The following HSF4 variants were observed in gnomAD, a reference collection of about 807,000 sequenced individuals.
The protein encoded by HSF4 is heat shock factor protein 4.
Under a neutral mutation model 52.0 loss-of-function variants are expected in HSF4, and 41 were observed. The observed-to-expected ratio is 0.79, with a 90% confidence interval of 0.61 to 1.02. HSF4 has a LOEUF of 1.02. HSF4 is among the 50% of genes least tolerant of loss of function. The probability of loss-of-function intolerance (pLI) is 0.00; values close to 1 mark genes in which losing one functional copy is unlikely to be tolerated. For missense variants in HSF4, 610 were observed against 651.1 expected (o/e 0.94, Z 0.69); for synonymous variants, 285 against 273.0 (o/e 1.04, Z -0.43).
At position 67,165,703 on chromosome 16, in the gene HSF4, A is replaced by C. The variant is rs766182306; in HGVS notation, c.233-16A>C. ...CGGGGATGGGGCGACCCACGCCCCC[A>C]CGCCCCACTCCCCAGACGGTTTTCG... On this transcript the variant is annotated splice_polypyrimidine_tract_variant and intron_variant, in intron 2 of 12. Coordinates refer to ENST00000521374, the MANE Select transcript of HSF4 (RefSeq NM_001374675.1). The surrounding 1 kb of genome is among the most constrained non-coding windows in gnomAD (Gnocchi z 6.9). 6.2e-7 allele frequency: 1 copy of C among 1,611,842 alleles called. No individual in the cohort carries two copies. Among genetic ancestry groups the C allele is most frequent in the African/African-American group, 1.3e-5 (1 of 74,956 alleles).
chr16:67,165,981 C>G lies in HSF4; in HGVS notation c.396C>G (p.Arg132=), dbSNP rs1437874241. 6.4e-7 allele frequency: 1 copy of G among 1,553,130 alleles called. No individual in the cohort carries two copies. Among genetic ancestry groups the G allele is most frequent in the Non-Finnish European group, 8.6e-7 (1 of 1,157,888 alleles). ...PALRGDDGRW[R]PEDLGRLLGE... ...TGCGCGGCGACGACGGCCGCTGGCG[C>G]CCGGAGGACCTGGGTCGACTACTGG... The change falls in exon 4 of 13, where the codon CGC becomes CGG. Residue 132 remains arginine (R), a synonymous_variant. Coordinates refer to ENST00000521374, the MANE Select transcript of HSF4 (RefSeq NM_001374675.1). The surrounding 1 kb of genome is among the most constrained non-coding windows in gnomAD (Gnocchi z 6.9).
chr16:67,164,668 C>T (rs2031105482), upstream of HSF4: 8 of 985,188 alleles, frequency 8.1e-6, no homozygotes, highest in Non-Finnish European at 1.2e-5. Flanking sequence ...CGAGCCCCGC[C>T]CCGCGGGCTT....
chr16:67,169,078 G>T lies in HSF4; in HGVS notation c.1231G>T (p.Asp411Tyr). 1 of 1,613,528 alleles carries T rather than the reference G, an allele frequency of 6.2e-7. No individual in the cohort carries two copies. The highest frequency in any genetic ancestry group is 1.1e-5 in the South Asian group (1 of 91,060). Reference sequence around the variant, plus strand: ...CCAAGGGCGAGAATGGACCCTGATGGACTTGGACATGGAGCTGTCCTTGGT... The same window carrying T: ...CCAAGGGCGAGAATGGACCCTGATGTACTTGGACATGGAGCTGTCCTTGGT... Reference protein sequence around the residue: ...SLQGREWTLMDLDMELSLMQP... With the variant: ...SLQGREWTLMYLDMELSLMQP... Residue 411 changes from aspartate to tyrosine, a missense_variant, in exon 11 of 13, where the codon GAC becomes TAC. Asp to Tyr is a radical substitution (Grantham distance 160, BLOSUM62 -3). Coordinates refer to ENST00000521374, the MANE Select transcript of HSF4 (RefSeq NM_001374675.1). The surrounding 1 kb of genome is among the most constrained non-coding windows in gnomAD (Gnocchi z 4.3).
intron 4 of HSF4, 22 bp downstream of exon 4, chr16:67,166,092 G>A: frequency 1.4e-6 from 2 of 1,459,366 alleles, no homozygotes; most frequent in South Asian, 1.2e-5. Context: ...GGCGGGGAAA[G>A]AGGGGACAGG....
In HSF4 at chr16:67,165,811, G is replaced by C. The variant is rs1389459408; in HGVS notation, c.325G>C (p.Gly109Arg). Reference sequence around the variant, plus strand: ...GTTCCAGCACCCGAGCTTCGTGCGCGGCCGCGAGCAGCTACTGGAGCGCGT... The same window carrying C: ...GTTCCAGCACCCGAGCTTCGTGCGCCGCCGCGAGCAGCTACTGGAGCGCGT... ...VEFQHPSFVR[G>R]REQLLERVRR... Residue 109 changes from glycine (G) to arginine (R), a missense_variant, in exon 3 of 13, where the codon GGC becomes CGC. Transcript: ENST00000521374. This position sits in a 1 kb window ranked among gnomAD's most constrained non-coding sequence, Gnocchi z 6.9. The C allele has an allele frequency of 6.2e-7, 1 of 1,607,830 alleles. No homozygotes were observed. Among genetic ancestry groups the C allele is most frequent in the Admixed American group, 1.7e-5 (1 of 59,950 alleles).
Position 67,164,874 on chromosome 16 carries a change from C to A in HSF4, c.63C>A (p.Leu21=), listed in dbSNP as rs372135101. 8.0e-4 allele frequency: 1,292 copies of A among 1,607,702 alleles called. No homozygotes were observed. The highest frequency in any genetic ancestry group is 1.0e-3 in the Non-Finnish European group (1,219 of 1,179,028). Residue 21 remains leucine, a synonymous_variant, in exon 1 of 13, where the codon CTC becomes CTA. Transcript: ENST00000521374. ...EPGPSPVPAF[L]GKLWALVGDP... ...GCCCCAGCCCCGTGCCTGCCTTCCT[C>A]GGCAAGCTATGGGCGCTGGTGGGGG... is the stretch of plus-strand genomic sequence containing the variant.
chr16:67,166,041 C>T lies in HSF4; in HGVS notation c.456C>T (p.Ser152=). ...AGGCTTTGCGGGGAGTGCAGGAGAG[C>T]ACCGAGGCGCGGCTGCGGGAGCTCA... ...EVQALRGVQE[S]TEARLRELRQ... The change falls in exon 4 of 13, where the codon AGC becomes AGT. Residue 152 remains serine (S), a synonymous_variant. Coordinates refer to ENST00000521374, the MANE Select transcript of HSF4 (RefSeq NM_001374675.1). 6.5e-7 allele frequency: 1 copy of T among 1,533,256 alleles called. No homozygotes were observed. The highest frequency in any genetic ancestry group is 8.7e-7 in the Non-Finnish European group (1 of 1,146,710). The allele number at this position is 1,533,256 out of a possible 1,614,324, so 95.0% of individuals were successfully genotyped here.
rs530275414 is a variant in HSF4, at chr16:67,167,239, C to G, written c.729+17C>G. 4.6e-5 allele frequency: 74 copies of G among 1,614,072 alleles called. No homozygotes were observed. Among genetic ancestry groups the G allele is most frequent in the Middle Eastern group, 1.6e-4 (1 of 6,062 alleles). ...ATCCAGTCGGTAGGTTTGTCTTCTTCCCCCTTCCCAAGGGCATGGCTGGGC... is the reference window on the plus strand; with the variant it reads ...ATCCAGTCGGTAGGTTTGTCTTCTTGCCCCTTCCCAAGGGCATGGCTGGGC... On this transcript the variant is annotated intron_variant, in intron 7 of 12. Transcript: ENST00000521374.
In HSF4 at chr16:67,167,076, C is replaced by T. The variant is rs769285062; in HGVS notation, c.627-44C>T. 2.2e-5 allele frequency: 36 copies of T among 1,613,484 alleles called. No individual in the cohort carries two copies. The East Asian group carries it at 8.0e-4, about 36-fold the overall frequency. ...AAGTGCAGGCCGAGGTGCATGGGGG[C>T]TGACCCTGCCCCACCCCTGCCTGTG... On this transcript the variant is annotated intron_variant, in intron 6 of 12. Transcript: ENST00000521374.
At chr16:67,164,457 A>G (rs749913508), upstream of HSF4, 1 of 511,676 alleles carries the variant, frequency 2.0e-6, no homozygotes, top group East Asian at 5.3e-5. Flanking sequence ...CCCAGCCCAC[A>G]CCAGGTCGCG....
In HSF4 at chr16:67,165,743, T is replaced by C. The variant is rs758027535; in HGVS notation, c.257T>C (p.Ile86Thr). 4.0e-5 allele frequency: 64 copies of C among 1,611,544 alleles called. No individual in the cohort carries two copies. Among genetic ancestry groups the C allele is most frequent in the Non-Finnish European group, 4.8e-5 (57 of 1,179,778 alleles). ...GACGGTTTTCGGAAGGTGGTGAGCATCGAGCAGGGCGGCCTGCTTAGGCCG... is the reference window on the plus strand; with the variant it reads ...GACGGTTTTCGGAAGGTGGTGAGCACCGAGCAGGGCGGCCTGCTTAGGCCG... ...NMYGFRKVVSIEQGGLLRPER... is the reference protein window; with the variant it reads ...NMYGFRKVVSTEQGGLLRPER... Residue 86 changes from isoleucine to threonine, a missense_variant, in exon 3 of 13, where the codon ATC becomes ACC. Coordinates refer to ENST00000521374, the MANE Select transcript of HSF4 (RefSeq NM_001374675.1). This position sits in a 1 kb window ranked among gnomAD's most constrained non-coding sequence, Gnocchi z 6.9.
At position 67,166,511 on chromosome 16, in the gene HSF4, G is replaced by T. The variant is rs757499561; in HGVS notation, c.562-47G>T. The T allele has an allele frequency of 5.6e-6, 9 of 1,607,244 alleles. No individual in the cohort carries two copies. The South Asian group carries it at 7.7e-5, about 14-fold the overall frequency. On this transcript the variant is annotated intron_variant, in intron 5 of 12. Coordinates refer to ENST00000521374, the MANE Select transcript of HSF4 (RefSeq NM_001374675.1). Reference sequence around the variant, plus strand: ...TCCCTCACCTGGAAGTGCGGGGGTGGGGGGGCTGTGTCCAAAGTATGAATT... The same window carrying T: ...TCCCTCACCTGGAAGTGCGGGGGTGTGGGGGCTGTGTCCAAAGTATGAATT...
At position 67,168,089 on chromosome 16, in the gene HSF4, C is replaced by G; in HGVS notation, c.1082+142C>G. On this transcript the variant is annotated intron_variant, in intron 9 of 12. Transcript: ENST00000521374. ...AGAGTTCTGTGGAAAGCAGAGCCTC[C>G]CAGTCAGGGCACTCAGCATCTGCGG... is the stretch of plus-strand genomic sequence containing the variant. The G allele has an allele frequency of 1.1e-5, 8 of 744,482 alleles. No individual in the cohort carries two copies. The South Asian group carries it at 1.1e-4, about 10-fold the overall frequency. 46.1% of individuals were successfully genotyped at this position (744,482 alleles called of 1,614,324 possible).
In HSF4 at chr16:67,164,900, A is replaced by T. The variant is rs958546814; in HGVS notation, c.89A>T (p.Asp30Val). 10 of 1,607,668 alleles carry T rather than the reference A, an allele frequency of 6.2e-6. No homozygotes were observed. Among genetic ancestry groups the T allele is most frequent in the Non-Finnish European group, 8.5e-6 (10 of 1,179,072 alleles). Residue 30 changes from aspartate to valine, a missense_variant, in exon 1 of 13, where the codon GAC becomes GTC. By Grantham distance (152) the Asp-to-Val change is radical (BLOSUM62 -3). Transcript: ENST00000521374. Reference sequence around the variant, plus strand: ...GGCAAGCTATGGGCGCTGGTGGGGGACCCAGGCACAGACCACCTGATCCGC... The same window carrying T: ...GGCAAGCTATGGGCGCTGGTGGGGGTCCCAGGCACAGACCACCTGATCCGC... ...FLGKLWALVG[D>V]PGTDHLIRWS...
At chr16:67,167,326 T>C in intron 7 of HSF4, 104 bp downstream of exon 7, 1 of 1,608,902 alleles carries the variant, frequency 6.2e-7, no homozygotes, top group Non-Finnish European at 8.5e-7. Flanking sequence ...AAGCCAGCCT[T>C]CCCCCCAACC....
In HSF4 at chr16:67,169,491, C is replaced by G; in HGVS notation, c.1325-140C>G. On this transcript the variant is annotated intron_variant, in intron 12 of 12. Transcript: ENST00000521374. This position sits in a 1 kb window ranked among gnomAD's most constrained non-coding sequence, Gnocchi z 4.3. The stretch of plus-strand genomic sequence containing the variant: ...GAGCGTTCCTTGAGCCACCCATGCC[C>G]TCACCATTGGGCGAGAGTGGGGAGG... 1.9e-6 allele frequency: 3 copies of G among 1,579,976 alleles called. No homozygotes were observed. The highest frequency in any genetic ancestry group is 1.7e-6 in the Non-Finnish European group (2 of 1,167,376).
At position 67,169,495 on chromosome 16, in the gene HSF4, C is replaced by T. The variant is rs1597246235; in HGVS notation, c.1325-136C>T. On this transcript the variant is annotated intron_variant, in intron 12 of 12. Transcript: ENST00000521374. This position sits in a 1 kb window ranked among gnomAD's most constrained non-coding sequence, Gnocchi z 4.3. The stretch of plus-strand genomic sequence containing the variant: ...GTTCCTTGAGCCACCCATGCCCTCA[C>T]CATTGGGCGAGAGTGGGGAGGTTAA... The T allele has an allele frequency of 6.3e-7, 1 of 1,581,364 alleles. No individual in the cohort carries two copies. Among genetic ancestry groups the T allele is most frequent in the East Asian group, 2.3e-5 (1 of 43,552 alleles).
At position 67,169,363 on chromosome 16, in the gene HSF4, G is replaced by T. The variant is rs1434750005; in HGVS notation, c.1324+15G>T. 1 of 1,610,732 alleles carries T rather than the reference G, an allele frequency of 6.2e-7. No homozygotes were observed. The highest frequency in any genetic ancestry group is 1.1e-5 in the South Asian group (1 of 90,322). ...TCCAAGCCCAGGTAATGGTTGTGAT[G>T]ACTCCTACCTGGGAGGACGCCGTGA... On this transcript the variant is annotated intron_variant, in intron 12 of 12. Transcript: ENST00000521374. This position sits in a 1 kb window ranked among gnomAD's most constrained non-coding sequence, Gnocchi z 4.3.
chr16:67,165,980 G>A lies in HSF4; in HGVS notation c.395G>A (p.Arg132His). ...PALRGDDGRW[R>H]PEDLGRLLGE... Reference sequence around the variant, plus strand: ...CTGCGCGGCGACGACGGCCGCTGGCGCCCGGAGGACCTGGGTCGACTACTG... The same window carrying A: ...CTGCGCGGCGACGACGGCCGCTGGCACCCGGAGGACCTGGGTCGACTACTG... Residue 132 changes from arginine (R) to histidine (H), a missense_variant, in exon 4 of 13, where the codon CGC becomes CAC. By Grantham distance (29) the Arg-to-His change is conservative. Transcript: ENST00000521374. This position sits in a 1 kb window ranked among gnomAD's most constrained non-coding sequence, Gnocchi z 6.9. 6.4e-7 allele frequency: 1 copy of A among 1,553,898 alleles called. No individual in the cohort carries two copies. Among genetic ancestry groups the A allele is most frequent in the South Asian group, 1.2e-5 (1 of 86,312 alleles).
Sources: gnomAD v4.1 joint callset for allele counts on GRCh38, gnomAD v4.1.1 for gene constraint, Gnocchi (gnomAD v3.1) non-coding constraint, MANE v1.5 for transcripts, NCBI Gene and HGNC (gene_info 2026-07-23, HGNC 2026-07-21) for gene names.